The following ATP13A4 variants were observed in gnomAD, a reference collection of about 807,000 sequenced individuals.
ATP13A4 encodes probable cation-transporting ATPase 13A4.
A neutral mutation model predicts 142.5 loss-of-function variants in ATP13A4; 114 were observed. That is an observed-to-expected ratio of 0.80 (90% CI 0.69 to 0.93). ATP13A4 has a LOEUF of 0.93. ATP13A4 is among the 40% of genes least tolerant of loss of function. ATP13A4 has a pLI of 0.00. For missense variants in ATP13A4, 1,392 were observed against 1,454.0 expected, an observed-to-expected ratio of 0.96 and a Z score of 0.69; for synonymous variants, 488 against 514.8, an observed-to-expected ratio of 0.95 and a Z score of 0.70.
intron 1 of ATP13A4, among the ~76,000 whole-genome samples, chr3:193,520,922 C>T (rs992228813): frequency 6.6e-6 from 1 of 152,218 alleles, no homozygotes; most frequent in East Asian, 1.9e-4. Flanking sequence ...TCATTCCCAG[C>T]TTTGGAATGT....
chr3:193,502,648 A>C lies in ATP13A4; in HGVS notation c.235-9T>G. 3.7e-6 allele frequency: 6 copies of C among 1,613,432 alleles called. No individual in the cohort carries two copies. The highest frequency in any genetic ancestry group is 5.1e-6 in the Non-Finnish European group (6 of 1,179,412). On this transcript the variant is annotated splice_polypyrimidine_tract_variant and intron_variant, in intron 2 of 29. Coordinates refer to ENST00000342695, the MANE Select transcript of ATP13A4 (RefSeq NM_032279.4). ...TAAATTTGGAATTCATCCTGAGGAG[A>C]TAGACATCAAAACCCCCAAGAAGTT... is the stretch of plus-strand genomic sequence containing the variant.
chr3:193,413,502 A>C (rs1714885771), intron 26 of ATP13A4, among the ~76,000 whole-genome samples: 1 of 152,204 alleles, frequency 6.6e-6, no homozygotes, highest in African/African-American at 2.4e-5. Flanking sequence ...TCTTGCAGAG[A>C]GCCTATAAAT....
At chr3:193,517,660 T>G (rs1051270462) in intron 1 of ATP13A4, among the ~76,000 whole-genome samples, 1 of 151,630 alleles carries the variant, frequency 6.6e-6, no homozygotes, top group Non-Finnish European at 1.5e-5. Flanking sequence ...TTTTTTGTAT[T>G]TTTTTAGTAG....
At chr3:193,445,288 T>A (rs749857176) in intron 18 of ATP13A4, among the ~76,000 whole-genome samples, 4 of 151,252 alleles carry the variant, frequency 2.6e-5, no homozygotes, top group Non-Finnish European at 5.9e-5. Context: ...ATATAAAAAT[T>A]AGCCAGGCGT....
At chr3:193,564,738 C>T (rs1351041142) in intron 2 of ATP13A4, among the ~76,000 whole-genome samples, 1 of 152,236 alleles carries the variant, frequency 6.6e-6, no homozygotes, top group Non-Finnish European at 1.5e-5. Context: ...GAACAGGGAT[C>T]CCCGACCCCT....
At chr3:193,500,023 G>A (rs926842305) in intron 3 of ATP13A4, among the ~76,000 whole-genome samples, 1 of 152,104 alleles carries the variant, frequency 6.6e-6, no homozygotes, top group South Asian at 2.1e-4. Flanking sequence ...TGAGATTCCC[G>A]CAGGAGAAAA....
In ATP13A4 at chr3:193,592,717, A is replaced by G. The variant is rs545469687; in HGVS notation, n.91+304T>C. On this transcript the variant is annotated intron_variant and non_coding_transcript_variant, in intron 1 of 3. Coordinates refer to the ATP13A4 transcript ENST00000489140. ...TCCCATCTGATCCTCAGAGATTCTA[A>G]GGGACTTAGCCTATCCATGACTCTT... 2.0e-5 allele frequency among the ~76,000 whole-genome samples: 3 copies of G among 152,342 alleles called. No homozygotes were observed. In the South Asian group the frequency reaches 6.2e-4, roughly 32 times the overall value.
chr3:193,468,221 G>A (rs964987134), intron 9 of ATP13A4, among the ~76,000 whole-genome samples: 1 of 152,092 alleles, frequency 6.6e-6, no homozygotes, highest in Non-Finnish European at 1.5e-5. Flanking sequence ...AGGCACTGGT[G>A]ACTGAAGGAG....
intron 1 of ATP13A4, among the ~76,000 whole-genome samples, chr3:193,590,467 A>G (rs1441819253): frequency 6.6e-6 from 1 of 152,176 alleles, no homozygotes; most frequent in Non-Finnish European, 1.5e-5. Context: ...TTCTGGCCAC[A>G]TTGATTCCTG....
intron 23 of ATP13A4, among the ~76,000 whole-genome samples, chr3:193,437,592 T>C (rs1230587172): frequency 6.6e-6 from 1 of 152,112 alleles, no homozygotes; most frequent in East Asian, 1.9e-4. Context: ...ACTTCAATTG[T>C]TTTGTTTGTT....
intron 1 of ATP13A4, among the ~76,000 whole-genome samples, chr3:193,521,448 C>A (rs1469658884): frequency 1.3e-5 from 2 of 152,120 alleles, no homozygotes; most frequent in African/African-American, 4.8e-5. Flanking sequence ...CAAAGGTAGA[C>A]TATACAAGGA....
chr3:193,517,203 G>A lies in ATP13A4; in HGVS notation c.61-2332C>T, dbSNP rs543134201. 2.6e-5 allele frequency among the ~76,000 whole-genome samples: 4 copies of A among 152,250 alleles called. No individual in the cohort carries two copies. In the East Asian group the frequency reaches 7.7e-4, roughly 29 times the overall value. On this transcript the variant is annotated intron_variant, in intron 1 of 29. Transcript: ENST00000342695. ...TTTCAGTTCAATTTAACAAATGTTT[G>A]TTACATGTCCACCAAATGGCAGGCA... is the stretch of plus-strand genomic sequence containing the variant.
chr3:193,552,925 T>C (rs1229524717), intron 1 of ATP13A4, among the ~76,000 whole-genome samples: 1 of 152,188 alleles, frequency 6.6e-6, no homozygotes, highest in South Asian at 2.1e-4. Context: ...CTACAAAATA[T>C]GTAGACTATA....
chr3:193,445,036 C>G (rs1271726107), intron 18 of ATP13A4, among the ~76,000 whole-genome samples: 2 of 152,160 alleles, frequency 1.3e-5, no homozygotes, highest in African/African-American at 2.4e-5. Flanking sequence ...AACAACCTGT[C>G]TAAGAAATCC....
chr3:193,568,259 C>A (rs2108739951), intron 2 of ATP13A4, among the ~76,000 whole-genome samples: 1 of 151,762 alleles, frequency 6.6e-6, no homozygotes. Context: ...CCGTGCCCAG[C>A]CAAGCACCAC....
chr3:193,504,189 C>A (rs542995833), intron 2 of ATP13A4, among the ~76,000 whole-genome samples: 29 of 151,926 alleles, frequency 1.9e-4, no homozygotes, highest in Non-Finnish European at 3.5e-4. Flanking sequence ...TAAATCAATT[C>A]AAATCAAATT....
At chr3:193,455,578 T>C (rs971386364) in intron 16 of ATP13A4, among the ~76,000 whole-genome samples, 11 of 152,182 alleles carry the variant, frequency 7.2e-5, no homozygotes. Context: ...GCTTATACAC[T>C]GTTGGTGGGA....
intron 2 of ATP13A4, among the ~76,000 whole-genome samples, chr3:193,572,554 G>C (rs1231902893): frequency 6.6e-6 from 1 of 152,086 alleles, no homozygotes; most frequent in Non-Finnish European, 1.5e-5. Context: ...CGGTTTAGTG[G>C]GACGCCTCTG....
intron 8 of ATP13A4, among the ~76,000 whole-genome samples, chr3:193,478,742 GAGGAA>G (rs1719116000): frequency 6.6e-6 from 1 of 152,108 alleles, no homozygotes; most frequent in Admixed American, 6.5e-5. Flanking sequence ...GATAGAGAAA[GAGGAA>G]ATCCTCCCTA....
Sources: gnomAD v4.1 joint callset for allele counts (sites outside exome capture counted in the v4.1 genomes callset) on GRCh38, gnomAD v4.1.1 for gene constraint, MANE v1.5 for transcripts, NCBI Gene and HGNC (gene_info 2026-07-23, HGNC 2026-07-21) for gene names.